The following SUMF1 variants were observed in gnomAD, a reference collection of about 807,000 sequenced individuals.
SUMF1 encodes formylglycine-generating enzyme.
Under a neutral mutation model 47.6 loss-of-function variants are expected in SUMF1, and 48 were observed. The observed-to-expected ratio is 1.01, with a 90% CI of 0.80 to 1.28. The LOEUF is 1.28. SUMF1 is among the 50% of genes most tolerant of loss of function. The probability of loss-of-function intolerance (pLI) is 0.00; values close to 1 mark genes in which losing one functional copy is unlikely to be tolerated. For synonymous variants in SUMF1, 230 were observed against 192.1 expected, an observed-to-expected ratio of 1.20 and a Z score of -1.63; for missense variants, 571 against 485.4, an observed-to-expected ratio of 1.18 and a Z score of -1.66.
At chr3:4,290,520 A>C (rs2125054240) in intron 8 of SUMF1, among the ~76,000 whole-genome samples, 1 of 152,294 alleles carries the variant, frequency 6.6e-6, no homozygotes, top group Admixed American at 6.5e-5. Context: ...ACATTTTAAG[A>C]ACGAGAAGGT....
At chr3:4,130,340 C>T (rs1203756752) in intron 8 of SUMF1, among the ~76,000 whole-genome samples, 1 of 152,176 alleles carries the variant, frequency 6.6e-6, no homozygotes, top group African/African-American at 2.4e-5. Flanking sequence ...ATAAGGCCCA[C>T]CAGAAGCAAT....
At chr3:4,364,518 G>A (rs1699881657) in intron 8 of SUMF1, among the ~76,000 whole-genome samples, 1 of 150,646 alleles carries the variant, frequency 6.6e-6, no homozygotes, top group South Asian at 2.1e-4. Context: ...GTGTAGAGGT[G>A]TTTGTAGTAT....
chr3:4,178,980 A>G (rs1695033073), intron 8 of SUMF1, among the ~76,000 whole-genome samples: 1 of 152,192 alleles, frequency 6.6e-6, no homozygotes, highest in South Asian at 2.1e-4. Flanking sequence ...AATCCAACTT[A>G]CAAGGGATGT....
Position 4,456,658 on chromosome 3 carries a change from G to GTATA in SUMF1, c.271-3613_271-3610dup, listed in dbSNP as rs1310131227. ...TACGTGTATATATATATATGTGTGTGTATATATATATATACGTGTATATAT... is the reference window on the plus strand; with the variant it reads ...TACGTGTATATATATATATGTGTGTGTATATATATATATATATACGTGTATATAT... On this transcript the variant is annotated intron_variant, in intron 1 of 8. Coordinates refer to ENST00000272902, the MANE Select transcript of SUMF1 (RefSeq NM_182760.4). 2.5e-4 allele frequency among the ~76,000 whole-genome samples: 32 copies of GTATA among 126,384 alleles called. No homozygotes were observed. In the East Asian group the frequency reaches 5.4e-3, roughly 21 times the overall value. 82.9% of individuals were successfully genotyped at this position (126,384 alleles called of 152,430 possible). A position where few individuals can be genotyped will look rare whatever the true frequency, so the allele number is the denominator to read the frequency against.
chr3:4,230,928 T>C (rs1242806), intron 8 of SUMF1, among the ~76,000 whole-genome samples: 91,513 of 151,986 alleles, frequency 0.6, 28,211 homozygotes, highest in African/African-American at 0.71. Context: ...AAAGTTACCT[T>C]ACCACAACTT....
chr3:4,323,987 G>A (rs1698891255), intron 8 of SUMF1, among the ~76,000 whole-genome samples: 5 of 152,026 alleles, frequency 3.3e-5, no homozygotes, highest in South Asian at 2.1e-4. Context: ...ATCTGTGTAC[G>A]TGTAAGTCTA....
At chr3:4,463,654 T>C (rs1265350402) in intron 1 of SUMF1, among the ~76,000 whole-genome samples, 1 of 152,206 alleles carries the variant, frequency 6.6e-6, no homozygotes, top group Non-Finnish European at 1.5e-5. Flanking sequence ...CATTCGATTG[T>C]GCCTCATTGC....
chr3:4,110,433 G>A lies in SUMF1; in HGVS notation c.1015-41688C>T, dbSNP rs150911585. On this transcript the variant is annotated intron_variant and NMD_transcript_variant, in intron 8 of 12. Transcript: ENST00000448413. ...GTTCAACCATTGTGGAAGACAGTGC[G>A]GCAATTCCTCAGGGATCTAGAACTA... 2.6e-3 allele frequency among the ~76,000 whole-genome samples: 396 copies of A among 152,138 alleles called. 3 individuals are homozygous for A. The highest frequency in any genetic ancestry group is 7.1e-3 in the Admixed American group (109 of 15,300).
chr3:4,175,905 T>C (rs1312630413), intron 8 of SUMF1, among the ~76,000 whole-genome samples: 1 of 152,078 alleles, frequency 6.6e-6, no homozygotes, highest in African/African-American at 2.4e-5. Flanking sequence ...CAAGCTTCAA[T>C]AGCCGATTTG....
chr3:4,309,687 C>T (rs900892275), intron 8 of SUMF1, among the ~76,000 whole-genome samples: 17 of 152,270 alleles, frequency 1.1e-4, no homozygotes, highest in African/African-American at 3.1e-4. Flanking sequence ...GCCTCATCTA[C>T]GTGGCAGAAC....
At chr3:4,143,321 G>A (rs1003102202) in intron 8 of SUMF1, among the ~76,000 whole-genome samples, 2 of 152,102 alleles carry the variant, frequency 1.3e-5, no homozygotes, top group African/African-American at 4.8e-5. Flanking sequence ...GTGTACCAGG[G>A]ATAAGTCAGG....
chr3:4,186,106 A>T (rs1025476650), intron 8 of SUMF1, among the ~76,000 whole-genome samples: 3 of 152,162 alleles, frequency 2.0e-5, no homozygotes, highest in African/African-American at 7.2e-5. Flanking sequence ...TACACCCAAG[A>T]TGTTACAAGT....
chr3:4,377,784 G>A (rs1442159844), intron 7 of SUMF1, among the ~76,000 whole-genome samples: 1 of 152,150 alleles, frequency 6.6e-6, no homozygotes, highest in Non-Finnish European at 1.5e-5. Flanking sequence ...CGTATCAGGG[G>A]AGTCTATGGG....
At chr3:4,384,680 T>C (rs900948491) in intron 7 of SUMF1, among the ~76,000 whole-genome samples, 7 of 152,178 alleles carry the variant, frequency 4.6e-5, no homozygotes, top group African/African-American at 9.7e-5. Context: ...CTTATTACTA[T>C]TGAGTAGTAT....
intron 8 of SUMF1, among the ~76,000 whole-genome samples, chr3:4,219,052 G>A (rs372914585): frequency 3.3e-5 from 5 of 151,868 alleles, no homozygotes; most frequent in African/African-American, 9.7e-5. Flanking sequence ...CTTTCCTCCC[G>A]CAAACAGCAG....
chr3:4,135,863 C>T lies in SUMF1; in HGVS notation c.1015-67118G>A, dbSNP rs530763885. On this transcript the variant is annotated intron_variant and NMD_transcript_variant, in intron 8 of 12. Coordinates refer to the SUMF1 transcript ENST00000448413. ...AACAGAGAGCCAAATCATCAGTGAA[C>T]TCCCGTTCACAATTGCTTCAAAGAG... 1.6e-4 allele frequency among the ~76,000 whole-genome samples: 24 copies of T among 152,270 alleles called. No individual in the cohort carries two copies. The Middle Eastern group carries it at 0.01, about 65-fold the overall frequency.
At chr3:4,252,678 A>G (rs1363974268) in intron 8 of SUMF1, among the ~76,000 whole-genome samples, 2 of 152,156 alleles carry the variant, frequency 1.3e-5, no homozygotes, top group Admixed American at 6.5e-5. Context: ...TTTCTTCCCA[A>G]TGTGCTACAT....
chr3:4,397,433 C>T (rs1314711826), intron 7 of SUMF1, among the ~76,000 whole-genome samples: 2 of 152,184 alleles, frequency 1.3e-5, no homozygotes, highest in African/African-American at 4.8e-5. Context: ...AAAGTAGACA[C>T]GGTTTAGTCT....
chr3:4,128,882 A>G (rs1397007825), intron 8 of SUMF1, among the ~76,000 whole-genome samples: 1 of 152,138 alleles, frequency 6.6e-6, no homozygotes, highest in Non-Finnish European at 1.5e-5. Context: ...CAGCTCAGGC[A>G]GTTAAAAAAG....
Sources: gnomAD v4.1 joint callset for allele counts (sites outside exome capture counted in the v4.1 genomes callset) on GRCh38, gnomAD v4.1.1 for gene constraint, MANE v1.5 for transcripts, NCBI Gene and HGNC (gene_info 2026-07-23, HGNC 2026-07-21) for gene names.